The following SYT14 variants were observed in gnomAD, a reference collection of about 807,000 sequenced individuals.
SYT14 encodes the protein synaptotagmin 14.
Under a neutral mutation model 74.2 loss-of-function variants are expected in SYT14, and 32 were observed. That is an observed-to-expected ratio of 0.43 (90% CI 0.33 to 0.58). The LOEUF is 0.58. SYT14 is among the 20% of genes least tolerant of loss of function. SYT14 has a pLI of 0.05. For synonymous variants in SYT14, 298 were observed against 337.7 expected (o/e 0.88, Z 1.29); for missense variants, 791 against 981.8 (o/e 0.81, Z 2.60).
intron 5 of SYT14, among the ~76,000 whole-genome samples, chr1:210,052,226 G>GT (rs113099850): frequency 5.5e-4 from 82 of 148,202 alleles, no homozygotes; most frequent in African/African-American, 1.3e-3. Context: ...AAATTTTAGG[G>GT]TTTTTTTTTT....
chr1:210,063,493 A>T (rs865842589), intron 5 of SYT14, among the ~76,000 whole-genome samples: 4 of 151,754 alleles, frequency 2.6e-5, no homozygotes, highest in African/African-American at 9.6e-5. Context: ...TTATTCAATA[A>T]TTTTTTCAGC....
At chr1:210,067,133 T>C (rs1474690914) in intron 5 of SYT14, among the ~76,000 whole-genome samples, 1 of 152,070 alleles carries the variant, frequency 6.6e-6, no homozygotes, top group Non-Finnish European at 1.5e-5. Context: ...TTCTGGACTG[T>C]CAAGTATATG....
intron 2 of SYT14, among the ~76,000 whole-genome samples, chr1:209,994,333 A>G (rs913324937): frequency 3.3e-5 from 5 of 152,184 alleles, no homozygotes; most frequent in Non-Finnish European, 5.9e-5. Flanking sequence ...CTCACTACAA[A>G]AATTTTATAA....
At chr1:210,006,663 T>C (rs2079993082) in intron 2 of SYT14, among the ~76,000 whole-genome samples, 2 of 151,914 alleles carry the variant, frequency 1.3e-5, no homozygotes, top group Admixed American at 1.3e-4. Context: ...TTGTAAGTTG[T>C]TACTTTTTAT....
intron 5 of SYT14, among the ~76,000 whole-genome samples, chr1:210,026,929 A>C (rs1572178660): frequency 6.6e-6 from 1 of 152,182 alleles, no homozygotes; most frequent in East Asian, 1.9e-4. Context: ...CTTTGATATA[A>C]AAATAGTGTA....
Position 210,064,827 on chromosome 1 carries a change from C to A in SYT14, c.1313-29495C>A, listed in dbSNP as rs114246070. Reference sequence around the variant, plus strand: ...CATGCTAATTCTATGTTTAACTTTCCTCAGAACTGCCAAACTGTTTTCTAC... The same window carrying A: ...CATGCTAATTCTATGTTTAACTTTCATCAGAACTGCCAAACTGTTTTCTAC... On this transcript the variant is annotated intron_variant, in intron 5 of 9. Transcript: ENST00000637265. Among the ~76,000 whole-genome samples, 1,269 of 152,084 alleles carry A rather than the reference C, an allele frequency of 8.3e-3. 14 individuals are homozygous for A. The highest frequency in any genetic ancestry group is 0.026 in the African/African-American group (1,091 of 41,512).
chr1:209,940,597 A>G (rs924029819), intron 1 of SYT14, among the ~76,000 whole-genome samples: 2 of 152,182 alleles, frequency 1.3e-5, no homozygotes, highest in African/African-American at 4.8e-5. Flanking sequence ...TTTTGGCAGT[A>G]ATTCTTATAT....
chr1:210,137,362 T>C (rs903362882), intron 7 of SYT14, among the ~76,000 whole-genome samples: 3 of 152,142 alleles, frequency 2.0e-5, no homozygotes, highest in African/African-American at 7.2e-5. Context: ...GGGACCTCAC[T>C]ACTCTTGTGA....
intron 7 of SYT14, among the ~76,000 whole-genome samples, chr1:210,102,212 A>G (rs2082080731): frequency 6.6e-6 from 1 of 152,148 alleles, no homozygotes; most frequent in Admixed American, 6.5e-5. Flanking sequence ...TATAAAGCCC[A>G]GGACCTAATA....
At chr1:209,992,778 T>C (rs2079716962) in intron 2 of SYT14, among the ~76,000 whole-genome samples, 1 of 151,964 alleles carries the variant, frequency 6.6e-6, no homozygotes, top group South Asian at 2.1e-4. Flanking sequence ...CCATTCACAC[T>C]GAGAGAGACC....
At chr1:210,156,836 G>A (rs1209361756) in intron 8 of SYT14, 2 of 341,582 alleles carry the variant, frequency 5.9e-6, no homozygotes, top group Admixed American at 2.6e-5. Flanking sequence ...GGGACTACAG[G>A]CACCCACCAC....
chr1:210,074,712 C>T (rs1001537587), intron 5 of SYT14, among the ~76,000 whole-genome samples: 5 of 152,138 alleles, frequency 3.3e-5, no homozygotes, highest in Non-Finnish European at 5.9e-5. Flanking sequence ...CCTCTCAGGG[C>T]GTGTGATGGT....
At chr1:210,155,793 C>T in exon 8 of SYT14, 1 of 1,614,078 alleles carries the variant, frequency 6.2e-7, no homozygotes, top group African/African-American at 1.3e-5. Context: ...GTCTCTTGAA[C>T]ATGGCTCAGT....
At chr1:210,055,799 T>C (rs1244998897) in intron 5 of SYT14, among the ~76,000 whole-genome samples, 6 of 151,908 alleles carry the variant, frequency 3.9e-5, no homozygotes, top group Non-Finnish European at 8.8e-5. Flanking sequence ...AAAAGGATTG[T>C]CTCCCATATA....
At chr1:210,038,529 C>T (rs1376633112) in intron 5 of SYT14, among the ~76,000 whole-genome samples, 1 of 152,010 alleles carries the variant, frequency 6.6e-6, no homozygotes, top group Non-Finnish European at 1.5e-5. Flanking sequence ...GAGTTTTATA[C>T]TTTTGTGTGC....
At chr1:210,056,901 T>C (rs996095275) in intron 5 of SYT14, among the ~76,000 whole-genome samples, 5 of 152,006 alleles carry the variant, frequency 3.3e-5, no homozygotes, top group Admixed American at 3.3e-4. Context: ...TGGAGTGTAG[T>C]AGCTGCAGTC....
chr1:210,114,859 C>A (rs753692216), intron 7 of SYT14, among the ~76,000 whole-genome samples: 5 of 150,624 alleles, frequency 3.3e-5, no homozygotes, highest in Non-Finnish European at 5.9e-5. Context: ...GGACCTGGCT[C>A]GGCCTAGCAA....
intron 5 of SYT14, among the ~76,000 whole-genome samples, chr1:210,022,249 C>T (rs1283608767): frequency 1.3e-5 from 2 of 152,166 alleles, no homozygotes; most frequent in Non-Finnish European, 2.9e-5. Flanking sequence ...TATTTGGCTT[C>T]ATGCCAACTA....
chr1:210,140,267 A>C (rs532036214), intron 7 of SYT14, among the ~76,000 whole-genome samples: 162 of 152,248 alleles, frequency 1.1e-3, no homozygotes, highest in African/African-American at 3.6e-3. Context: ...TCTTTGGATA[A>C]ATTTCTATTA....
Sources: allele counts gnomAD v4.1 joint callset (sites outside exome capture counted in the v4.1 genomes callset), GRCh38; gene constraint gnomAD v4.1.1; transcripts MANE v1.5; gene names NCBI Gene and HGNC (gene_info 2026-07-23, HGNC 2026-07-21).